USH2A: variants seen among roughly 807,000 people sequenced by gnomAD.
USH2A encodes usherin.
Under a neutral mutation model 538.9 loss-of-function variants are expected in USH2A, and 443 were observed. The ratio of observed to expected loss-of-function variants is 0.82; its 90% CI spans 0.76 to 0.89. The LOEUF is 0.89. USH2A is among the 40% of genes least tolerant of loss of function. The pLI is 0.00. For missense variants in USH2A, 6,633 were observed against 6,324.8 expected, an observed-to-expected ratio of 1.05 and a Z score of -1.65; for synonymous variants, 2,413 against 2,273.5, an observed-to-expected ratio of 1.06 and a Z score of -1.75.
chr1:216,323,272 CG>C (rs2037652509), intron 8 of USH2A, among the ~76,000 whole-genome samples: 3 of 98,254 alleles, frequency 3.1e-5, no homozygotes, highest in African/African-American at 1.5e-4. Flanking sequence ...TTATAAAATA[CG>C]TTTTATATAT....
intron 61 of USH2A, among the ~76,000 whole-genome samples, chr1:215,705,008 T>G (rs1005450375): frequency 4.6e-5 from 7 of 152,238 alleles, no homozygotes; most frequent in Non-Finnish European, 8.8e-5. Flanking sequence ...ATGAATAAAT[T>G]ATCTTTTATT....
intron 21 of USH2A, among the ~76,000 whole-genome samples, chr1:216,124,067 T>C (rs1186759863): frequency 6.6e-6 from 1 of 152,172 alleles, no homozygotes; most frequent in Admixed American, 6.5e-5. Flanking sequence ...GAGTTCTGCA[T>C]ATTTTTTAGG....
intron 38 of USH2A, among the ~76,000 whole-genome samples, chr1:215,925,414 A>T (rs1666212799): frequency 1.3e-5 from 2 of 152,192 alleles, no homozygotes; most frequent in South Asian, 2.1e-4. Context: ...ATAGCAGCAC[A>T]TTTGGAAGAT....
At chr1:215,683,737 T>C (rs2102675031) in intron 61 of USH2A, among the ~76,000 whole-genome samples, 1 of 152,184 alleles carries the variant, frequency 6.6e-6, no homozygotes. Context: ...TATTCACCCT[T>C]TCCTTCTTCT....
At chr1:215,725,783 G>A (rs113355530) in intron 61 of USH2A, among the ~76,000 whole-genome samples, 41 of 152,328 alleles carry the variant, frequency 2.7e-4, no homozygotes, top group African/African-American at 9.6e-4. Context: ...GAGGGCCCAT[G>A]TGCAAAGAGC....
At chr1:216,044,744 G>A (rs1285930750) in intron 32 of USH2A, among the ~76,000 whole-genome samples, 1 of 152,096 alleles carries the variant, frequency 6.6e-6, no homozygotes, top group African/African-American at 2.4e-5. Context: ...GAATGCTTGG[G>A]TTAGTACCAA....
chr1:216,159,212 T>C (rs560814717), intron 21 of USH2A, among the ~76,000 whole-genome samples: 2 of 152,266 alleles, frequency 1.3e-5, no homozygotes, highest in South Asian at 4.1e-4. Context: ...TGGCTAGTAC[T>C]ATACTTCCAG....
At chr1:215,887,007 G>T (rs577762404) in intron 41 of USH2A, among the ~76,000 whole-genome samples, 6 of 151,988 alleles carry the variant, frequency 3.9e-5, no homozygotes, top group Non-Finnish European at 8.8e-5. Flanking sequence ...ATAGGTGCCC[G>T]CCACCAAGCC....
intron 43 of USH2A, among the ~76,000 whole-genome samples, chr1:215,875,952 T>A (rs2102448991): frequency 6.9e-6 from 1 of 144,712 alleles, no homozygotes; most frequent in East Asian, 2.0e-4. Flanking sequence ...TAATAATGTA[T>A]ATAATATATA....
chr1:215,706,790 C>A (rs1325288230), intron 61 of USH2A, among the ~76,000 whole-genome samples: 1 of 152,184 alleles, frequency 6.6e-6, no homozygotes, highest in Non-Finnish European at 1.5e-5. Context: ...TCAGGTTCAG[C>A]ATTGAAAGCT....
At chr1:216,072,681 C>A in intron 29 of USH2A, 1 of 606,550 alleles carries the variant, frequency 1.6e-6, no homozygotes, top group Non-Finnish European at 3.0e-6. Context: ...CAAGTCTGAG[C>A]AAGTATTTAG....
chr1:215,968,860 G>A (rs1332343200), intron 36 of USH2A, among the ~76,000 whole-genome samples: 1 of 152,076 alleles, frequency 6.6e-6, no homozygotes, highest in Non-Finnish European at 1.5e-5. Context: ...CCATTGCCAC[G>A]TTTGACTGAA....
chr1:215,732,544 C>CTTT (rs141549439), intron 60 of USH2A, among the ~76,000 whole-genome samples: 120 of 73,584 alleles, frequency 1.6e-3, no homozygotes, highest in African/African-American at 2.4e-3. Context: ...TTTTTTCTTT[C>CTTT]TTTTTTTTTT....
chr1:216,321,009 C>G (rs2037597006), intron 9 of USH2A, among the ~76,000 whole-genome samples: 1 of 151,954 alleles, frequency 6.6e-6, no homozygotes, highest in Non-Finnish European at 1.5e-5. Flanking sequence ...GATAAAAGCC[C>G]TCAACTTAAG....
chr1:215,859,907 T>A (rs189261495), intron 44 of USH2A, among the ~76,000 whole-genome samples: 1 of 152,264 alleles, frequency 6.6e-6, no homozygotes. Context: ...GTGTACTAGT[T>A]TTGGAAGATG....
intron 9 of USH2A, among the ~76,000 whole-genome samples, chr1:216,297,051 T>A (rs1034787682): frequency 7.2e-5 from 11 of 152,002 alleles, no homozygotes; most frequent in African/African-American, 2.4e-4. Flanking sequence ...TAAAATGGGT[T>A]GTTTCATTGC....
rs1275089914 is a variant in USH2A at position 215,623,901 on chromosome 1, A to T, written c.*1880T>A. The T allele has an allele frequency of 6.6e-6, 1 of 152,146 alleles. No individual in the cohort carries two copies. The highest frequency in any genetic ancestry group is 1.9e-4 in the East Asian group (1 of 5,190). The allele number at this position is 152,146 out of a possible 1,614,324, so 9.4% of individuals were successfully genotyped here. On this transcript the variant is annotated 3_prime_UTR_variant, in exon 72 of 72. Transcript: ENST00000307340. ...CTATTCTTTGTGACTAGCAAACTGT[A>T]TTCTTAGAAGAGTCCACCAAGGATT...
intron 4 of USH2A, among the ~76,000 whole-genome samples, chr1:216,351,833 G>C (rs902734882): frequency 3.4e-5 from 5 of 147,872 alleles, no homozygotes; most frequent in African/African-American, 1.3e-4. Flanking sequence ...ACAAGATTTT[G>C]CAAAACAAAA....
intron 35 of USH2A, among the ~76,000 whole-genome samples, chr1:215,983,227 G>A (rs146345774): frequency 0.016 from 2,364 of 152,254 alleles, 37 homozygotes; most frequent in Non-Finnish European, 0.023. Context: ...CTCCCAAAGT[G>A]CTGGAATTAC....
Sources: gnomAD v4.1 joint callset for allele counts (sites outside exome capture counted in the v4.1 genomes callset) on GRCh38, gnomAD v4.1.1 for gene constraint, MANE v1.5 for transcripts, NCBI Gene and HGNC (gene_info 2026-07-23, HGNC 2026-07-21) for gene names.